PCSK5: variants seen among roughly 807,000 people sequenced by gnomAD.
PCSK5 encodes the protein prohormone convertase 5.
In PCSK5, 129 loss-of-function variants were observed where a neutral mutation model predicts 233.2. The ratio of observed to expected loss-of-function variants is 0.55; its 90% CI spans 0.48 to 0.64. The LOEUF (loss-of-function observed/expected upper bound fraction) is 0.64. Ranked by LOEUF, PCSK5 falls within the 30% of genes least tolerant of loss-of-function variation. The pLI, the probability that PCSK5 is intolerant of heterozygous loss-of-function variation, is 0.00. For missense variants in PCSK5, 2,076 were observed against 2,430.1 expected (o/e 0.85, Z 3.06); for synonymous variants, 825 against 879.2 (o/e 0.94, Z 1.09).
At chr9:76,264,229 T>C (rs1292734228) in intron 24 of PCSK5, among the ~76,000 whole-genome samples, 1 of 152,176 alleles carries the variant, frequency 6.6e-6, no homozygotes, top group Non-Finnish European at 1.5e-5. Flanking sequence ...ATTTGATAAA[T>C]GGTGCTGGGA....
intron 9 of PCSK5, among the ~76,000 whole-genome samples, chr9:76,108,589 C>T (rs1194785045): frequency 6.6e-6 from 1 of 152,162 alleles, no homozygotes; most frequent in Non-Finnish European, 1.5e-5. Context: ...CCCTTCTCTT[C>T]TAAAAATACA....
At chr9:76,154,198 C>A (rs554839707) in intron 10 of PCSK5, among the ~76,000 whole-genome samples, 3 of 152,184 alleles carry the variant, frequency 2.0e-5, no homozygotes, top group Admixed American at 2.0e-4. Flanking sequence ...TTCGGTTGAC[C>A]AGTCTGCAGT....
At chr9:75,913,432 C>T (rs188714547) in intron 1 of PCSK5, among the ~76,000 whole-genome samples, 114 of 152,202 alleles carry the variant, frequency 7.5e-4, no homozygotes, top group African/African-American at 2.6e-3. Flanking sequence ...TTTAGTGTCA[C>T]GTATTTGTGC....
intron 8 of PCSK5, among the ~76,000 whole-genome samples, chr9:76,098,132 C>T (rs990429631): frequency 3.3e-5 from 5 of 152,142 alleles, no homozygotes; most frequent in South Asian, 2.1e-4. Flanking sequence ...TTTCATTTAT[C>T]GGCTACTTTT....
At chr9:75,982,992 C>T (rs1033109408) in intron 2 of PCSK5, among the ~76,000 whole-genome samples, 1 of 151,896 alleles carries the variant, frequency 6.6e-6, no homozygotes, top group Non-Finnish European at 1.5e-5. Context: ...GGTTGTTGTT[C>T]CAACCAATGT....
At chr9:75,996,178 T>C (rs775405587) in intron 3 of PCSK5, among the ~76,000 whole-genome samples, 4 of 152,160 alleles carry the variant, frequency 2.6e-5, no homozygotes, top group African/African-American at 7.2e-5. Flanking sequence ...GTGTGGTCTG[T>C]ATTTGTTCTA....
chr9:76,239,559 G>C (rs1826363778), intron 23 of PCSK5, among the ~76,000 whole-genome samples: 1 of 151,880 alleles, frequency 6.6e-6, no homozygotes, highest in Non-Finnish European at 1.5e-5. Flanking sequence ...AGCCAGGCTT[G>C]GTGTTGCATG....
chr9:76,342,324 T>G (rs768856855), intron 35 of PCSK5, among the ~76,000 whole-genome samples: 42 of 152,318 alleles, frequency 2.8e-4, no homozygotes, highest in Middle Eastern at 3.4e-3. Flanking sequence ...GGAGGGATAC[T>G]TAAGACTTGT....
chr9:76,178,391 C>T (rs1479934191), intron 14 of PCSK5, among the ~76,000 whole-genome samples: 1 of 152,134 alleles, frequency 6.6e-6, no homozygotes, highest in African/African-American at 2.4e-5. Flanking sequence ...TACATCTAAG[C>T]AGGAATTTTT....
intron 3 of PCSK5, among the ~76,000 whole-genome samples, chr9:76,010,536 C>T (rs532666440): frequency 6.6e-6 from 1 of 152,302 alleles, no homozygotes; most frequent in East Asian, 1.9e-4. Context: ...GTGGAAAGGG[C>T]TGCATTTTTC....
chr9:76,020,394 C>T (rs1563976467), intron 3 of PCSK5, among the ~76,000 whole-genome samples: 1 of 152,164 alleles, frequency 6.6e-6, no homozygotes, highest in Non-Finnish European at 1.5e-5. Flanking sequence ...GAAGCCTGGG[C>T]CACTTGAAAT....
intron 9 of PCSK5, among the ~76,000 whole-genome samples, chr9:76,124,503 T>A (rs1832763638): frequency 6.8e-6 from 1 of 146,428 alleles, no homozygotes; most frequent in Admixed American, 7.0e-5. Flanking sequence ...TCCCAGCACT[T>A]TGGGAGACCG....
intron 3 of PCSK5, among the ~76,000 whole-genome samples, chr9:76,009,575 C>T (rs905724055): frequency 6.7e-5 from 10 of 149,920 alleles, no homozygotes; most frequent in Middle Eastern, 3.2e-3. Context: ...TGCAGTGAGC[C>T]GAGATCACAC....
chr9:76,013,727 G>A (rs906449001), intron 3 of PCSK5, among the ~76,000 whole-genome samples: 14 of 152,140 alleles, frequency 9.2e-5, no homozygotes, highest in African/African-American at 3.4e-4. Flanking sequence ...TGTGCTGCTT[G>A]ATTTGTTCAA....
At chr9:76,345,103 T>C (rs567807907) in intron 35 of PCSK5, among the ~76,000 whole-genome samples, 18 of 152,302 alleles carry the variant, frequency 1.2e-4, no homozygotes, top group African/African-American at 1.9e-4. Flanking sequence ...ACCCAATAAG[T>C]AGTTTTTCAA....
chr9:75,953,950 A>G (rs907949607), intron 2 of PCSK5, among the ~76,000 whole-genome samples: 26 of 152,146 alleles, frequency 1.7e-4, no homozygotes, highest in Non-Finnish European at 3.5e-4. Flanking sequence ...TAAAGCAGTA[A>G]TTTGGACTTG....
intron 5 of PCSK5, among the ~76,000 whole-genome samples, chr9:76,063,228 G>C (rs576242693): frequency 1.3e-5 from 2 of 150,528 alleles, no homozygotes; most frequent in Admixed American, 1.3e-4. Flanking sequence ...TTGATCTCCC[G>C]GGCTTAAGTG....
At chr9:76,244,609 G>A (rs926978113) in intron 24 of PCSK5, among the ~76,000 whole-genome samples, 5 of 136,694 alleles carry the variant, frequency 3.7e-5, no homozygotes, top group Non-Finnish European at 7.8e-5. Flanking sequence ...CAGCTATTTA[G>A]TGAACATTAA....
intron 24 of PCSK5, among the ~76,000 whole-genome samples, chr9:76,256,418 G>A (rs368580487): frequency 6.6e-6 from 1 of 152,162 alleles, no homozygotes; most frequent in Non-Finnish European, 1.5e-5. Flanking sequence ...AAACAAAAGC[G>A]GAGTGTGGTC....
Sources: gnomAD v4.1 joint callset for allele counts (sites outside exome capture counted in the v4.1 genomes callset) on GRCh38, gnomAD v4.1.1 for gene constraint, MANE v1.5 for transcripts, NCBI Gene and HGNC (gene_info 2026-07-23, HGNC 2026-07-21) for gene names.